Variants in GABRB1 observed in about 807,000 individuals in gnomAD.
GABRB1 encodes gamma-aminobutyric acid receptor subunit beta-1.
GABRB1 carries 17 observed loss-of-function variants against 51.6 expected under a neutral mutation model. The ratio of observed to expected loss-of-function variants is 0.33; its 90% CI spans 0.23 to 0.49. The LOEUF (loss-of-function observed/expected upper bound fraction) is 0.49, where lower values mean the gene tolerates loss of function less well. Among genes scored for constraint, GABRB1 ranks in the 20% least tolerant of loss-of-function variants. The pLI, the probability that GABRB1 is intolerant of heterozygous loss-of-function variation, is 0.99. For missense variants in GABRB1, 410 were observed against 600.6 expected (o/e 0.68, Z 3.32); for synonymous variants, 247 against 218.9 (o/e 1.13, Z -1.14).
At chr4:47,007,694 A>G (rs1020677396) in intron 1 of GABRB1, among the ~76,000 whole-genome samples, 14 of 152,028 alleles carry the variant, frequency 9.2e-5, no homozygotes, top group Non-Finnish European at 2.9e-5. Context: ...TTGTGAAATT[A>G]ATCTTGAAGT....
At chr4:47,284,140 T>A (rs1424831090) in intron 4 of GABRB1, among the ~76,000 whole-genome samples, 1 of 151,860 alleles carries the variant, frequency 6.6e-6, no homozygotes, top group East Asian at 1.9e-4. Flanking sequence ...ATTTTCCATT[T>A]TCCATCAGGG....
chr4:47,179,219 G>T (rs1418072405), intron 4 of GABRB1, among the ~76,000 whole-genome samples: 1 of 152,038 alleles, frequency 6.6e-6, no homozygotes. Context: ...TGTGATGCTT[G>T]GTTTTCTGTT....
Position 47,417,995 on chromosome 4 carries a change from A to C in GABRB1, c.1081-7679A>C, listed in dbSNP as rs1164482988. ...GAGAATGTTGGGGCAGAGAGGAGATAGTGAGTGAGATGGAAGGGGTGGAAG... is the reference window on the plus strand; with the variant it reads ...GAGAATGTTGGGGCAGAGAGGAGATCGTGAGTGAGATGGAAGGGGTGGAAG... On this transcript the variant is annotated intron_variant, in intron 8 of 8. Transcript: ENST00000295454. 1.3e-5 allele frequency among the ~76,000 whole-genome samples: 2 copies of C among 152,220 alleles called. 1 individual carries two copies. Among genetic ancestry groups the C allele is most frequent in the African/African-American group, 4.8e-5 (2 of 41,466 alleles).
At chr4:47,007,349 C>A (rs1026400750) in intron 1 of GABRB1, among the ~76,000 whole-genome samples, 2 of 152,058 alleles carry the variant, frequency 1.3e-5, no homozygotes, top group Admixed American at 1.3e-4. Flanking sequence ...TTTATCTGAA[C>A]CTCAATTAAT....
rs528049415 is a variant in GABRB1 at position 47,032,418 on chromosome 4, G to T, written c.174G>T (p.Gly58=). The T allele has an allele frequency of 3.8e-5, 60 of 1,584,432 alleles. 1 individual carries two copies. In the South Asian group the frequency reaches 6.9e-4, roughly 18 times the overall value. Residue 58 remains glycine (G), a splice_region_variant and synonymous_variant, in exon 3 of 9, where the codon GGG becomes GGT. Transcript: ENST00000295454. The part of the protein sequence containing the change: ...YDIRLRPDFG[G]PPVDVGMRID... Reference sequence around the variant, plus strand: ...TAATGTGGCCCACCTCCCCGGCAGGGCCCCCCGTCGACGTTGGGATGCGGA... The same window carrying T: ...TAATGTGGCCCACCTCCCCGGCAGGTCCCCCCGTCGACGTTGGGATGCGGA...
At chr4:47,077,948 A>T (rs1246872748) in intron 3 of GABRB1, among the ~76,000 whole-genome samples, 39 of 120,910 alleles carry the variant, frequency 3.2e-4, no homozygotes, top group African/African-American at 1.2e-3. Context: ...TTTTATATAT[A>T]TTATATATTT....
intron 3 of GABRB1, among the ~76,000 whole-genome samples, chr4:47,099,770 T>G (rs574806875): frequency 6.6e-6 from 1 of 152,012 alleles, no homozygotes; most frequent in East Asian, 1.9e-4. Flanking sequence ...CTTCTGCAAG[T>G]GTATTCAAAA....
At chr4:47,211,159 A>G (rs1720338706) in intron 4 of GABRB1, among the ~76,000 whole-genome samples, 1 of 152,130 alleles carries the variant, frequency 6.6e-6, no homozygotes, top group Admixed American at 6.5e-5. Flanking sequence ...TGAGATTCTT[A>G]ATCATAATCG....
intron 4 of GABRB1, among the ~76,000 whole-genome samples, chr4:47,309,625 T>C (rs1421008630): frequency 6.6e-6 from 1 of 152,154 alleles, no homozygotes; most frequent in Non-Finnish European, 1.5e-5. Context: ...CAGGGTATAG[T>C]ATCCATTAAA....
At chr4:47,045,716 T>A (rs1433895249) in intron 3 of GABRB1, among the ~76,000 whole-genome samples, 1 of 152,008 alleles carries the variant, frequency 6.6e-6, no homozygotes, top group African/African-American at 2.4e-5. Context: ...GGCTCATTTA[T>A]GAGGGTTTTG....
At chr4:47,363,284 A>AT (rs1726869962) in intron 5 of GABRB1, among the ~76,000 whole-genome samples, 1 of 152,152 alleles carries the variant, frequency 6.6e-6, no homozygotes, top group South Asian at 2.1e-4. Flanking sequence ...CAGAGTTGGA[A>AT]TTTTAACCCA....
At chr4:47,100,238 A>ATGGGATTATG (rs761432778) in intron 3 of GABRB1, among the ~76,000 whole-genome samples, 3 of 151,992 alleles carry the variant, frequency 2.0e-5, no homozygotes, top group Non-Finnish European at 2.9e-5. Context: ...AATAACTCAC[A>ATGGGATTATG]TGGGATTATG....
chr4:47,286,045 A>T (rs1258978642), intron 4 of GABRB1, among the ~76,000 whole-genome samples: 1 of 152,266 alleles, frequency 6.6e-6, no homozygotes, highest in African/African-American at 2.4e-5. Context: ...GAAGAGAGAC[A>T]AAAATCCAAA....
chr4:47,010,140 A>G (rs566058181), intron 1 of GABRB1, among the ~76,000 whole-genome samples: 1 of 152,338 alleles, frequency 6.6e-6, no homozygotes, highest in African/African-American at 2.4e-5. Flanking sequence ...AGCTTTCTCA[A>G]TGAGTGGCAC....
At chr4:47,318,952 A>G (rs1724976613) in intron 4 of GABRB1, among the ~76,000 whole-genome samples, 1 of 152,130 alleles carries the variant, frequency 6.6e-6, no homozygotes, top group Non-Finnish European at 1.5e-5. Context: ...TGCAAATAGA[A>G]GCACAGCTGT....
chr4:47,021,415 CT>C (rs1341416559), intron 1 of GABRB1, among the ~76,000 whole-genome samples: 2 of 152,094 alleles, frequency 1.3e-5, no homozygotes, highest in Non-Finnish European at 2.9e-5. Flanking sequence ...CTGTGATACT[CT>C]GCCATGTGTG....
intron 5 of GABRB1, among the ~76,000 whole-genome samples, chr4:47,359,945 C>T (rs1249815368): frequency 6.6e-6 from 1 of 151,938 alleles, no homozygotes; most frequent in African/African-American, 2.4e-5. Context: ...TGTGTTTCTG[C>T]CTGTGTGCTT....
chr4:47,137,637 A>T (rs1716728795), intron 3 of GABRB1, among the ~76,000 whole-genome samples: 1 of 152,142 alleles, frequency 6.6e-6, no homozygotes, highest in African/African-American at 2.4e-5. Flanking sequence ...GAGCAACCAC[A>T]ACATTTATAT....
intron 1 of GABRB1, among the ~76,000 whole-genome samples, chr4:47,010,966 A>T (rs372218322): frequency 4.9e-4 from 74 of 151,726 alleles, no homozygotes; most frequent in African/African-American, 1.5e-3. Context: ...TTTTTTTTTT[A>T]AACTCATTGC....
Sources: gnomAD v4.1 joint callset for allele counts (sites outside exome capture counted in the v4.1 genomes callset) on GRCh38, gnomAD v4.1.1 for gene constraint, MANE v1.5 for transcripts, NCBI Gene and HGNC (gene_info 2026-07-23, HGNC 2026-07-21) for gene names.